The following FAM13A variants were observed in gnomAD, a reference collection of about 807,000 sequenced individuals.
The protein encoded by FAM13A is family with sequence similarity 13 member A, also known as protein FAM13A.
FAM13A carries 76 observed loss-of-function variants against 129.6 expected under a neutral mutation model. The ratio of observed to expected loss-of-function variants is 0.59; its 90% CI spans 0.49 to 0.71. The LOEUF is 0.71. FAM13A is among the 30% of genes least tolerant of loss of function. FAM13A has a pLI of 0.00. For missense variants in FAM13A, 1,108 were observed against 1,249.3 expected, an observed-to-expected ratio of 0.89 and a Z score of 1.70; for synonymous variants, 443 against 449.9, an observed-to-expected ratio of 0.98 and a Z score of 0.20.
chr4:88,730,493 A>C (rs567357891), intron 23 of FAM13A, among the ~76,000 whole-genome samples: 1 of 152,250 alleles, frequency 6.6e-6, no homozygotes, highest in South Asian at 2.1e-4. Context: ...CCCGGGTTCA[A>C]GTGATTCTCT....
At chr4:88,837,197 G>A (rs986730204) in intron 7 of FAM13A, among the ~76,000 whole-genome samples, 2 of 150,704 alleles carry the variant, frequency 1.3e-5, no homozygotes, top group African/African-American at 4.9e-5. Context: ...TTTCTCCCAT[G>A]TTGGTCAGGC....
At chr4:88,952,734 G>A (rs1361315092) in intron 4 of FAM13A, among the ~76,000 whole-genome samples, 1 of 152,094 alleles carries the variant, frequency 6.6e-6, no homozygotes, top group African/African-American at 2.4e-5. Flanking sequence ...GATCCCTTGA[G>A]GTCGGGAGTT....
intron 7 of FAM13A, among the ~76,000 whole-genome samples, chr4:88,845,506 G>A (rs575545644): frequency 2.4e-4 from 36 of 152,236 alleles, no homozygotes; most frequent in African/African-American, 8.7e-4. Context: ...AGAAGGGCGA[G>A]GGAAGGAACA....
chr4:88,752,437 G>GAAAA (rs1230756697), intron 14 of FAM13A, among the ~76,000 whole-genome samples: 47 of 152,246 alleles, frequency 3.1e-4, no homozygotes, highest in Middle Eastern at 6.8e-3. Context: ...ACTTTATATG[G>GAAAA]AATGAAGTCC....
chr4:88,848,392 T>C (rs11930723), intron 7 of FAM13A, among the ~76,000 whole-genome samples: 1,952 of 152,334 alleles, frequency 0.013, 45 homozygotes, highest in African/African-American at 0.044. Context: ...CTCCACTGGC[T>C]CTGCCCATTA....
At chr4:88,998,839 C>T (rs916347054) in intron 3 of FAM13A, among the ~76,000 whole-genome samples, 1 of 152,128 alleles carries the variant, frequency 6.6e-6, no homozygotes, top group African/African-American at 2.4e-5. Flanking sequence ...ATATAGGCAA[C>T]AGAATTTCAT....
chr4:88,987,636 C>T (rs896253994), intron 4 of FAM13A, among the ~76,000 whole-genome samples: 4 of 151,492 alleles, frequency 2.6e-5, no homozygotes, highest in Non-Finnish European at 4.4e-5. Context: ...GGGCGGATCA[C>T]GAGGTCAGGA....
chr4:88,854,342 C>T (rs1056346233), intron 6 of FAM13A, among the ~76,000 whole-genome samples: 17 of 152,160 alleles, frequency 1.1e-4, no homozygotes, highest in Non-Finnish European at 2.2e-4. Flanking sequence ...GACTCCAAAT[C>T]GCGCCAACAG....
intron 6 of FAM13A, among the ~76,000 whole-genome samples, chr4:88,870,256 A>C (rs1204946931): frequency 6.6e-6 from 1 of 152,204 alleles, no homozygotes; most frequent in Non-Finnish European, 1.5e-5. Context: ...CAACTGAGGT[A>C]CCTGGTTCAT....
chr4:88,976,544 A>G (rs1355732808), intron 4 of FAM13A, among the ~76,000 whole-genome samples: 2 of 152,166 alleles, frequency 1.3e-5, no homozygotes. Context: ...ACAACAAACC[A>G]AATATATGAG....
intron 6 of FAM13A, among the ~76,000 whole-genome samples, chr4:88,869,033 C>T (rs1740917660): frequency 1.3e-5 from 2 of 152,188 alleles, no homozygotes; most frequent in Admixed American, 1.3e-4. Flanking sequence ...ATGGAGCACA[C>T]AGCAGGGCTA....
At chr4:88,812,517 A>G (rs1729859576) in intron 7 of FAM13A, among the ~76,000 whole-genome samples, 3 of 152,118 alleles carry the variant, frequency 2.0e-5, no homozygotes, top group Admixed American at 2.0e-4. Context: ...CCATTTGTAC[A>G]TGTTGTTCTT....
At chr4:89,039,100 T>G (rs933397212) in intron 1 of FAM13A, among the ~76,000 whole-genome samples, 9 of 152,202 alleles carry the variant, frequency 5.9e-5, no homozygotes, top group African/African-American at 1.9e-4. Context: ...GCTCACTAGC[T>G]TGTAAACCTA....
At chr4:88,859,546 G>A (rs72663502) in intron 6 of FAM13A, among the ~76,000 whole-genome samples, 8,179 of 152,214 alleles carry the variant, frequency 0.054, 278 homozygotes, top group Non-Finnish European at 0.078. Context: ...AGTGTGAAGC[G>A]GTGAAGGAAG....
At chr4:88,918,860 G>A (rs1387397119) in intron 5 of FAM13A, among the ~76,000 whole-genome samples, 1 of 152,174 alleles carries the variant, frequency 6.6e-6, no homozygotes, top group Non-Finnish European at 1.5e-5. Context: ...GGAGCCACAT[G>A]ACAAGCCAAT....
At chr4:88,737,013 TTATATA>T (rs938081400) in intron 21 of FAM13A, among the ~76,000 whole-genome samples, 1 of 152,154 alleles carries the variant, frequency 6.6e-6, no homozygotes, top group South Asian at 2.1e-4. Flanking sequence ...TTTTATATGT[TTATATA>T]TATATTTCCT....
At chr4:88,898,927 C>T (rs1746790688) in intron 6 of FAM13A, among the ~76,000 whole-genome samples, 1 of 151,864 alleles carries the variant, frequency 6.6e-6, no homozygotes, top group African/African-American at 2.4e-5. Flanking sequence ...TAGGTATCTA[C>T]CCAAAGGAAA....
At chr4:88,904,331 A>C (rs1747796682) in intron 6 of FAM13A, among the ~76,000 whole-genome samples, 1 of 152,204 alleles carries the variant, frequency 6.6e-6, no homozygotes, top group East Asian at 1.9e-4. Context: ...TGTTCACTGC[A>C]GTACTACTTA....
At chr4:89,027,589 A>G (rs1388726785) in intron 2 of FAM13A, among the ~76,000 whole-genome samples, 2 of 152,078 alleles carry the variant, frequency 1.3e-5, no homozygotes, top group Admixed American at 6.5e-5. Context: ...CTCAGCATAC[A>G]ATTTTTTTTC....
Sources: allele counts gnomAD v4.1 joint callset (sites outside exome capture counted in the v4.1 genomes callset), GRCh38; gene constraint gnomAD v4.1.1; transcripts MANE v1.5; gene names NCBI Gene and HGNC (gene_info 2026-07-23, HGNC 2026-07-21).